Variants in HDAC9 observed in about 807,000 individuals in gnomAD.
HDAC9 encodes MEF-2 interacting transcription repressor (MITR) protein.
A neutral mutation model predicts 139.4 loss-of-function variants in HDAC9; 41 were observed. The ratio of observed to expected loss-of-function variants is 0.29; its 90% CI spans 0.23 to 0.38. The LOEUF is 0.38. Among genes scored for constraint, HDAC9 ranks in the 10% least tolerant of loss-of-function variants. The pLI, the probability that HDAC9 is intolerant of heterozygous loss-of-function variation, is 1.00. For synonymous variants in HDAC9, 517 were observed against 476.2 expected (o/e 1.09, Z -1.12); for missense variants, 1,147 against 1,297.0 (o/e 0.88, Z 1.78).
At chr7:18,803,949 T>C (rs1793504128) in intron 17 of HDAC9, among the ~76,000 whole-genome samples, 1 of 152,206 alleles carries the variant, frequency 6.6e-6, no homozygotes, top group East Asian at 1.9e-4. Flanking sequence ...GAAACTACTT[T>C]AAATACTGAA....
At chr7:18,491,573 C>T (rs150974803), upstream of HDAC9, among the ~76,000 whole-genome samples, 291 of 152,026 alleles carry the variant, frequency 1.9e-3, 1 homozygote, top group African/African-American at 5.7e-3. Flanking sequence ...CCCAAAGAAC[C>T]GAGATCCTGA....
chr7:18,216,047 A>G (rs1177839360), intron 2 of HDAC9, among the ~76,000 whole-genome samples: 2 of 151,088 alleles, frequency 1.3e-5, no homozygotes, highest in Non-Finnish European at 3.0e-5. Context: ...AAATACCACA[A>G]TTTTATTTTT....
At chr7:18,162,088 T>C (rs187901050) in intron 1 of HDAC9, 35 of 512,664 alleles carry the variant, frequency 6.8e-5, no homozygotes, top group Admixed American at 5.3e-4. Flanking sequence ...CTTAGAGACC[T>C]GTAAGGTTGA....
At chr7:18,803,207 ACTAT>A (rs935748922) in intron 17 of HDAC9, among the ~76,000 whole-genome samples, 21 of 151,810 alleles carry the variant, frequency 1.4e-4, no homozygotes, top group African/African-American at 5.1e-4. Flanking sequence ...CCTAAACTTC[ACTAT>A]CTTTTTTTTC....
chr7:18,480,438 G>A (rs772643049), intron 1 of HDAC9, among the ~76,000 whole-genome samples: 39 of 152,306 alleles, frequency 2.6e-4, no homozygotes, highest in Admixed American at 7.2e-4. Flanking sequence ...ACCTGATTCT[G>A]AGGCAGGATG....
At chr7:18,773,364 TACACACACAC>T (rs4043674) in intron 16 of HDAC9, among the ~76,000 whole-genome samples, 1,961 of 142,824 alleles carry the variant, frequency 0.014, 17 homozygotes, top group Non-Finnish European at 0.02. Context: ...AAAAACTGTA[TACACACACAC>T]ACACACACAC....
intron 1 of HDAC9, among the ~76,000 whole-genome samples, chr7:18,378,546 A>G (rs991847828): frequency 1.3e-5 from 2 of 152,048 alleles, no homozygotes; most frequent in African/African-American, 4.8e-5. Flanking sequence ...CTAACCACAG[A>G]AAGTCAAATT....
At chr7:18,318,429 A>G (rs975333091) in intron 1 of HDAC9, among the ~76,000 whole-genome samples, 4 of 152,178 alleles carry the variant, frequency 2.6e-5, no homozygotes, top group African/African-American at 4.8e-5. Flanking sequence ...ATTTGTTTCA[A>G]CGATAACTAC....
At chr7:18,325,567 T>G (rs1800375305) in intron 1 of HDAC9, 1 of 152,002 alleles carries the variant, frequency 6.6e-6, no homozygotes, top group South Asian at 2.1e-4. Context: ...GATCAAGTGG[T>G]CCTCCTACCT....
At chr7:18,504,734 T>C (rs1799297702) in intron 2 of HDAC9, among the ~76,000 whole-genome samples, 1 of 152,026 alleles carries the variant, frequency 6.6e-6, no homozygotes, top group Non-Finnish European at 1.5e-5. Flanking sequence ...CATTTAATCC[T>C]CACCACAGTT....
In HDAC9 at chr7:18,696,590, C is replaced by A. The variant is rs1315326187; in HGVS notation, c.1731+30114C>A. Among the ~76,000 whole-genome samples the A allele has an allele frequency of 3.3e-5, 5 of 151,674 alleles. No homozygotes were observed. In the East Asian group the frequency reaches 9.7e-4, roughly 29 times the overall value. ...TCAAGCGATTCTCTTGCCTCAGCCT[C>A]CCGAGTAGCTGGGACTACAGATGCA... On this transcript the variant is annotated intron_variant, in intron 12 of 25. Coordinates refer to ENST00000686413, the MANE Select transcript of HDAC9 (RefSeq NM_178425.4).
chr7:18,253,864 A>G (rs913700729), intron 2 of HDAC9, among the ~76,000 whole-genome samples: 8 of 152,202 alleles, frequency 5.3e-5, no homozygotes, highest in Non-Finnish European at 1.2e-4. Flanking sequence ...TTTTTCATCC[A>G]GAACTGGAGG....
intron 1 of HDAC9, among the ~76,000 whole-genome samples, chr7:18,146,893 T>C (rs1246754388): frequency 6.6e-6 from 1 of 152,106 alleles, no homozygotes; most frequent in Non-Finnish European, 1.5e-5. Flanking sequence ...ACAGACATTG[T>C]CCCTTAAAAA....
chr7:18,326,303 A>G (rs961902059), intron 1 of HDAC9, among the ~76,000 whole-genome samples: 2 of 152,118 alleles, frequency 1.3e-5, no homozygotes, highest in Non-Finnish European at 2.9e-5. Flanking sequence ...CTTGAATAAA[A>G]GCATCTAAAA....
At chr7:18,670,953 A>T (rs906799419) in intron 12 of HDAC9, among the ~76,000 whole-genome samples, 2 of 151,706 alleles carry the variant, frequency 1.3e-5, no homozygotes, top group Non-Finnish European at 2.9e-5. Context: ...TTTAATCGTG[A>T]AAATCTGTAG....
At chr7:18,193,374 T>C (rs982177148) in intron 2 of HDAC9, among the ~76,000 whole-genome samples, 2 of 152,216 alleles carry the variant, frequency 1.3e-5, no homozygotes, top group African/African-American at 4.8e-5. Context: ...TAGTATCAGG[T>C]ATTTTAAAAG....
intron 21 of HDAC9, among the ~76,000 whole-genome samples, chr7:18,836,245 T>A (rs1796229558): frequency 1.3e-5 from 2 of 152,226 alleles, no homozygotes; most frequent in African/African-American, 4.8e-5. Context: ...TATTAAATAG[T>A]TCTCTCTGGA....
chr7:18,665,239 A>T (rs1158105961), intron 11 of HDAC9, among the ~76,000 whole-genome samples: 1 of 152,194 alleles, frequency 6.6e-6, no homozygotes, highest in African/African-American at 2.4e-5. Flanking sequence ...TGTTGCTTAC[A>T]TAGGCACTGA....
intron 21 of HDAC9, among the ~76,000 whole-genome samples, chr7:18,866,722 A>T (rs1798527330): frequency 6.6e-6 from 1 of 152,208 alleles, no homozygotes; most frequent in African/African-American, 2.4e-5. Flanking sequence ...TTTGAGTTGC[A>T]GGCTGTGGAA....
Sources: allele counts gnomAD v4.1 joint callset (sites outside exome capture counted in the v4.1 genomes callset), GRCh38; gene constraint gnomAD v4.1.1; transcripts MANE v1.5; gene names NCBI Gene and HGNC (gene_info 2026-07-23, HGNC 2026-07-21).